Variants in KPNA6 observed in about 807,000 individuals in gnomAD.
KPNA6 encodes the protein karyopherin subunit alpha 6, also known as importin subunit alpha-7.
In KPNA6, 9 loss-of-function variants were observed where a neutral mutation model predicts 72.0. That is an observed-to-expected ratio of 0.13 (90% CI 0.08 to 0.22). The LOEUF is 0.22. Among genes scored for constraint, KPNA6 ranks in the 10% least tolerant of loss-of-function variants. The probability of loss-of-function intolerance (pLI) is 1.00; values close to 1 mark genes in which losing one functional copy is unlikely to be tolerated. For missense variants in KPNA6, 374 were observed against 655.7 expected (o/e 0.57, Z 4.69); for synonymous variants, 219 against 242.1 (o/e 0.90, Z 0.89).
At chr1:32,148,575 T>C (rs1641972405) in intron 1 of KPNA6, among the ~76,000 whole-genome samples, 1 of 150,478 alleles carries the variant, frequency 6.6e-6, no homozygotes, top group South Asian at 2.1e-4. Context: ...TTTTTCTTTT[T>C]TTTTTTTTGA....
chr1:32,162,226 T>C (rs1303182081), intron 8 of KPNA6, 135 bp from the exon 9 acceptor site: 2 of 960,844 alleles, frequency 2.1e-6, no homozygotes, highest in Non-Finnish European at 3.2e-6. Flanking sequence ...AAATGTTTAA[T>C]GTAGTAGCGA....
intron 1 of KPNA6, among the ~76,000 whole-genome samples, chr1:32,111,031 A>G (rs746686611): frequency 6.6e-6 from 1 of 152,200 alleles, no homozygotes. Context: ...CTATTGAGTA[A>G]TAAGACTGAT....
In KPNA6 at chr1:32,143,067, G is replaced by A. The variant is rs116014519; in HGVS notation, c.5-11521G>A. ...TTCATAGTGCTGCCTTCAGAAATCT[G>A]TTGTCTACTCTGTTAGTCTCACAGG... is the stretch of plus-strand genomic sequence containing the variant. On this transcript the variant is annotated intron_variant, in intron 1 of 13. Coordinates refer to ENST00000373625, the MANE Select transcript of KPNA6 (RefSeq NM_012316.5). The A allele has an allele frequency of 5.4e-4, 595 of 1,110,022 alleles. 2 individuals are homozygous for A. The African/African-American group carries it at 8.5e-3, about 16-fold the overall frequency. The allele number at this position is 1,110,022 out of a possible 1,614,324, so 68.8% of individuals were successfully genotyped here.
At chr1:32,142,919 A>G in intron 1 of KPNA6, 5 of 1,283,588 alleles carry the variant, frequency 3.9e-6, no homozygotes, top group Non-Finnish European at 5.1e-6. Context: ...ATGGTGACTA[A>G]AGAAGCTCAG....
chr1:32,153,016 C>CAAAAAAAAA (rs766574019), intron 1 of KPNA6, among the ~76,000 whole-genome samples: 1 of 34,948 alleles, frequency 2.9e-5, no homozygotes, highest in Non-Finnish European at 5.6e-5. Flanking sequence ...GACTCCATCT[C>CAAAAAAAAA]AAAAAAAAAA....
Position 32,113,425 on chromosome 1 carries a change from T to G in KPNA6, c.4+5291T>G, listed in dbSNP as rs552599819. The stretch of plus-strand genomic sequence containing the variant: ...CCAAAAATCCTTTGTTGTCATTTCA[T>G]GTATGTGTGTATGTATGTATGTATA... On this transcript the variant is annotated intron_variant, in intron 1 of 13. Transcript: ENST00000373625. Among the ~76,000 whole-genome samples, 7 of 152,168 alleles carry G rather than the reference T, an allele frequency of 4.6e-5. No individual in the cohort carries two copies. The East Asian group carries it at 1.4e-3, about 29-fold the overall frequency.
rs1167325052 is a variant in KPNA6 at position 32,119,032 on chromosome 1, A to ATATATTT, written c.4+10899_4+10900insATATTTT. Among the ~76,000 whole-genome samples, 53 of 40,264 alleles carry ATATATTT rather than the reference A, an allele frequency of 1.3e-3. 1 individual carries two copies. The highest frequency in any genetic ancestry group is 2.1e-3 in the South Asian group (1 of 468). 26.4% of individuals were successfully genotyped at this position (40,264 alleles called of 152,430 possible). A position where few individuals can be genotyped will look rare whatever the true frequency, so the allele number is the denominator to read the frequency against. ...TATATATATATATATATATATATAT[A>ATATATTT]TTTTTTTTTTTTTTTTTGAGAGAGA... On this transcript the variant is annotated intron_variant, in intron 1 of 13. Coordinates refer to ENST00000373625, the MANE Select transcript of KPNA6 (RefSeq NM_012316.5).
At chr1:32,135,445 A>G (rs1462715682) in intron 1 of KPNA6, among the ~76,000 whole-genome samples, 1 of 150,482 alleles carries the variant, frequency 6.6e-6, no homozygotes, top group Admixed American at 6.6e-5. Flanking sequence ...TGATCTGCCT[A>G]CTTCGGCCTC....
intron 1 of KPNA6, among the ~76,000 whole-genome samples, chr1:32,151,685 T>G (rs1642035518): frequency 1.3e-5 from 2 of 152,190 alleles, no homozygotes. Flanking sequence ...CTCACTTAAT[T>G]CGTTTCCCTC....
intron 1 of KPNA6, among the ~76,000 whole-genome samples, chr1:32,121,833 C>T (rs945505413): frequency 1.3e-5 from 2 of 150,912 alleles, no homozygotes; most frequent in South Asian, 2.1e-4. Flanking sequence ...GTTAACCGGG[C>T]GTGGTGGTGT....
intron 1 of KPNA6, among the ~76,000 whole-genome samples, chr1:32,126,465 A>G (rs1483635866): frequency 1.3e-5 from 2 of 151,882 alleles, no homozygotes; most frequent in Non-Finnish European, 2.9e-5. Flanking sequence ...GCTCACTGCA[A>G]CCTCTGCCTC....
At chr1:32,163,335 G>T (rs747491596) in intron 10 of KPNA6, 22 bp downstream of exon 10, 26 of 1,564,578 alleles carry the variant, frequency 1.7e-5, no homozygotes, top group Middle Eastern at 1.8e-4. Context: ...GAGGGTGCAG[G>T]ATCTTAGACC....
At chr1:32,154,553 C>G (rs1553129996) in intron 1 of KPNA6, 35 bp from the exon 2 acceptor site, 1 of 1,606,150 alleles carries the variant, frequency 6.2e-7, no homozygotes, top group South Asian at 1.1e-5. Flanking sequence ...GCTGTCCTCT[C>G]AAGAGTTTTT....
chr1:32,162,759 TG>T (rs1642261837), intron 9 of KPNA6, among the ~76,000 whole-genome samples: 1 of 145,352 alleles, frequency 6.9e-6, no homozygotes, highest in South Asian at 2.2e-4. Context: ...CATTTGAACC[TG>T]GGAGGCAGAG....
chr1:32,109,236 T>C (rs934100198), intron 1 of KPNA6, among the ~76,000 whole-genome samples: 1 of 152,124 alleles, frequency 6.6e-6, no homozygotes, highest in African/African-American at 2.4e-5. Flanking sequence ...TGACGCGATC[T>C]CGGCTCACTG....
Position 32,108,068 on chromosome 1 carries a change from G to GAAAGCTGCCGCT in KPNA6, c.-62_-51dup. The stretch of plus-strand genomic sequence containing the variant: ...CTACAGATCCGCCATATTGTCTACT[G>GAAAGCTGCCGCT]AAAGCTGCCGCTGAAGCTGCCGCCG... On this transcript the variant is annotated 5_prime_UTR_variant, in exon 1 of 14. Coordinates refer to ENST00000373625, the MANE Select transcript of KPNA6 (RefSeq NM_012316.5). 6.2e-7 allele frequency: 1 copy of GAAAGCTGCCGCT among 1,613,172 alleles called. No homozygotes were observed. The highest frequency in any genetic ancestry group is 8.5e-7 in the Non-Finnish European group (1 of 1,179,420).
At chr1:32,162,953 A>C (rs1423733083) in intron 9 of KPNA6, among the ~76,000 whole-genome samples, 1 of 149,862 alleles carries the variant, frequency 6.7e-6, no homozygotes, top group East Asian at 2.0e-4. Flanking sequence ...AAATACAAAA[A>C]ATTAGCCGGG....
chr1:32,139,347 G>A (rs1292365397), intron 1 of KPNA6, among the ~76,000 whole-genome samples: 2 of 152,170 alleles, frequency 1.3e-5, no homozygotes, highest in Non-Finnish European at 2.9e-5. Context: ...AAGAGCTAAG[G>A]AAAAGCGTTG....
At chr1:32,139,563 G>A (rs1641802873) in intron 1 of KPNA6, among the ~76,000 whole-genome samples, 1 of 152,066 alleles carries the variant, frequency 6.6e-6, no homozygotes, top group Non-Finnish European at 1.5e-5. Flanking sequence ...AAATACAAGG[G>A]GTAAGGGTAT....
Sources: gnomAD v4.1 joint callset for allele counts (sites outside exome capture counted in the v4.1 genomes callset) on GRCh38, gnomAD v4.1.1 for gene constraint, MANE v1.5 for transcripts, NCBI Gene and HGNC (gene_info 2026-07-23, HGNC 2026-07-21) for gene names.